The following SDK1 variants were observed in gnomAD, a reference collection of about 807,000 sequenced individuals.
The protein encoded by SDK1 is protein sidekick-1.
Under a neutral mutation model 245.5 loss-of-function variants are expected in SDK1, and 157 were observed. The observed-to-expected ratio is 0.64, with a 90% confidence interval of 0.56 to 0.73. SDK1 has a LOEUF of 0.73. Among genes scored for constraint, SDK1 ranks in the 30% least tolerant of loss-of-function variants. The pLI, the probability that SDK1 is intolerant of heterozygous loss-of-function variation, is 0.00. For synonymous variants in SDK1, 1,647 were observed against 1,278.5 expected, an observed-to-expected ratio of 1.29 and a Z score of -6.15; for missense variants, 3,583 against 3,002.3, an observed-to-expected ratio of 1.19 and a Z score of -4.52.
rs150656512 is a variant in SDK1 at position 3,529,603 on chromosome 7, G to C, written c.299-89477G>C. Among the ~76,000 whole-genome samples, 127 of 152,208 alleles carry C rather than the reference G, an allele frequency of 8.3e-4. 1 individual carries two copies. In the East Asian group the frequency reaches 0.023, roughly 28 times the overall value. On this transcript the variant is annotated intron_variant, in intron 1 of 44. Coordinates refer to ENST00000404826, the MANE Select transcript of SDK1 (RefSeq NM_152744.4). Reference sequence around the variant, plus strand: ...GGTAGAATGGCTGAGGAAGGAAGGAGTAATGGAGTGAAAAAAATCACCATT... The same window carrying C: ...GGTAGAATGGCTGAGGAAGGAAGGACTAATGGAGTGAAAAAAATCACCATT...
chr7:3,349,571 A>T (rs1204788426), intron 1 of SDK1, among the ~76,000 whole-genome samples: 1 of 152,164 alleles, frequency 6.6e-6, no homozygotes, highest in African/African-American at 2.4e-5. Context: ...TGTGGAAGTC[A>T]TACCTGCCTT....
chr7:3,684,116 C>G (rs1784200304), intron 4 of SDK1, among the ~76,000 whole-genome samples: 1 of 152,174 alleles, frequency 6.6e-6, no homozygotes, highest in South Asian at 2.1e-4. Context: ...CCATTCCCTG[C>G]TCAGCAGTGA....
rs1782626920 is a variant in SDK1 at position 3,640,856 on chromosome 7, G to A, written c.566-1102G>A. On this transcript the variant is annotated intron_variant, in intron 3 of 44. Coordinates refer to ENST00000404826, the MANE Select transcript of SDK1 (RefSeq NM_152744.4). ...CCACCACCACACCCAGCTAATTTTT[G>A]TATTTTTGGTAGAGATCGGGCTTCA... Among the ~76,000 whole-genome samples the A allele has an allele frequency of 2.6e-5, 4 of 152,034 alleles. No homozygotes were observed. In the South Asian group the frequency reaches 8.3e-4, roughly 32 times the overall value.
intron 1 of SDK1, among the ~76,000 whole-genome samples, chr7:3,549,146 C>T (rs535756020): frequency 1.2e-4 from 18 of 152,178 alleles, no homozygotes; most frequent in Non-Finnish European, 1.8e-4. Flanking sequence ...TGAAGGCTTC[C>T]TCCTGTCTTT....
rs376602653 is a variant in SDK1 at position 3,983,022 on chromosome 7, C to T, written c.1995-4164C>T. Among the ~76,000 whole-genome samples the T allele has an allele frequency of 1.6e-3, 246 of 152,174 alleles. 5 individuals are homozygous for T. In the South Asian group the frequency reaches 0.033, roughly 21 times the overall value. Reference sequence around the variant, plus strand: ...AGAGAACTAGAATTAGAGGTGGATCCTGAAGATGTAGCTGAACTGCTGCAA... The same window carrying T: ...AGAGAACTAGAATTAGAGGTGGATCTTGAAGATGTAGCTGAACTGCTGCAA... On this transcript the variant is annotated intron_variant, in intron 13 of 44. Transcript: ENST00000404826.
At chr7:4,245,608 G>A (rs1484055206) in intron 43 of SDK1, 68 bp from the exon 44 acceptor site, 5 of 1,579,900 alleles carry the variant, frequency 3.2e-6, no homozygotes, top group South Asian at 1.1e-5. Context: ...CAAATGCCAG[G>A]TTAGGAGTCC....
At chr7:3,947,984 A>G (rs1780646868) in intron 5 of SDK1, among the ~76,000 whole-genome samples, 1 of 152,208 alleles carries the variant, frequency 6.6e-6, no homozygotes, top group Non-Finnish European at 1.5e-5. Flanking sequence ...TTTTTAATTT[A>G]TGTGCACATA....
chr7:3,399,603 A>T (rs73296371), intron 1 of SDK1, among the ~76,000 whole-genome samples: 9,318 of 152,174 alleles, frequency 0.061, 794 homozygotes, highest in African/African-American at 0.19. Context: ...GGCTGCTGTT[A>T]CTTCGTATAG....
chr7:4,132,436 C>T lies in SDK1; in HGVS notation c.4228+13C>T, dbSNP rs770320178. 27 of 1,588,830 alleles carry T rather than the reference C, an allele frequency of 1.7e-5. No individual in the cohort carries two copies. Among genetic ancestry groups the T allele is most frequent in the Admixed American group, 6.8e-5 (4 of 59,120 alleles). Reference sequence around the variant, plus strand: ...GGCATCATCCTGGGTAAGGGAGCGGCGGTGGCCGGGCGTGGTGGCTCAGGC... The same window carrying T: ...GGCATCATCCTGGGTAAGGGAGCGGTGGTGGCCGGGCGTGGTGGCTCAGGC... On this transcript the variant is annotated intron_variant, in intron 28 of 44. Transcript: ENST00000404826.
intron 5 of SDK1, among the ~76,000 whole-genome samples, chr7:3,833,530 T>A (rs184529789): frequency 6.6e-6 from 1 of 152,102 alleles, no homozygotes; most frequent in East Asian, 1.9e-4. Flanking sequence ...GGAATTTATA[T>A]CAGATTTATA....
intron 30 of SDK1, among the ~76,000 whole-genome samples, chr7:4,150,000 T>A (rs1274413929): frequency 6.6e-6 from 1 of 151,840 alleles, no homozygotes; most frequent in Admixed American, 6.5e-5. Flanking sequence ...CTCAGTTGTT[T>A]ACTGGACCTC....
intron 5 of SDK1, among the ~76,000 whole-genome samples, chr7:3,885,566 C>T (rs1260180577): frequency 2.6e-5 from 4 of 152,306 alleles, no homozygotes; most frequent in Middle Eastern, 6.8e-3. Context: ...CACCTGGCTG[C>T]GGCTCCCAGC....
At chr7:3,302,615 C>T (rs1390206082) in intron 1 of SDK1, among the ~76,000 whole-genome samples, 1 of 151,980 alleles carries the variant, frequency 6.6e-6, no homozygotes, top group African/African-American at 2.4e-5. Flanking sequence ...TCCCTCCACC[C>T]CCTCCCCGCC....
In SDK1 at chr7:3,840,067, G is replaced by T. The variant is rs552411563; in HGVS notation, c.847+18484G>T. Among the ~76,000 whole-genome samples the T allele has an allele frequency of 2.8e-3, 431 of 152,244 alleles. 4 individuals are homozygous for T. The highest frequency in any genetic ancestry group is 0.01 in the African/African-American group (421 of 41,542). ...GTCCCTCCGTATGATAGAAAAGAGT[G>T]ACCTAAAATTTTACAGTACACTAGA... On this transcript the variant is annotated intron_variant, in intron 5 of 44. Coordinates refer to ENST00000404826, the MANE Select transcript of SDK1 (RefSeq NM_152744.4).
intron 17 of SDK1, among the ~76,000 whole-genome samples, chr7:4,038,165 T>C (rs1788353030): frequency 6.6e-6 from 1 of 152,172 alleles, no homozygotes; most frequent in Non-Finnish European, 1.5e-5. Flanking sequence ...CCCCTTTGAA[T>C]CAGTTGAGGA....
chr7:4,193,281 T>C (rs1783333995), intron 35 of SDK1, among the ~76,000 whole-genome samples: 1 of 135,408 alleles, frequency 7.4e-6, no homozygotes, highest in Non-Finnish European at 1.5e-5. Flanking sequence ...ACATATAAAA[T>C]ACATATAAAA....
At chr7:3,475,668 T>G (rs1374606136) in intron 1 of SDK1, among the ~76,000 whole-genome samples, 1 of 152,182 alleles carries the variant, frequency 6.6e-6, no homozygotes, top group African/African-American at 2.4e-5. Context: ...CAGATGAAAG[T>G]CCAGGGGAGA....
intron 41 of SDK1, among the ~76,000 whole-genome samples, chr7:4,234,640 CAACCCT>C (rs1554265431): frequency 6.6e-6 from 1 of 152,188 alleles, no homozygotes; most frequent in Non-Finnish European, 1.5e-5. Context: ...GTGAGGGACT[CAACCCT>C]GGCCGCACCT....
At chr7:3,593,760 T>C (rs191369849) in intron 1 of SDK1, among the ~76,000 whole-genome samples, 74 of 152,296 alleles carry the variant, frequency 4.9e-4, no homozygotes, top group African/African-American at 1.7e-3. Context: ...CAAGAGGGCA[T>C]ATGGCACAGT....
Sources: allele counts gnomAD v4.1 joint callset (sites outside exome capture counted in the v4.1 genomes callset), GRCh38; gene constraint gnomAD v4.1.1; transcripts MANE v1.5; gene names NCBI Gene and HGNC (gene_info 2026-07-23, HGNC 2026-07-21).